Variants in SLC22A4 observed in about 807,000 individuals in gnomAD.
SLC22A4 encodes ET transporter.
In SLC22A4, 39 loss-of-function variants were observed where a neutral mutation model predicts 56.6. The ratio of observed to expected loss-of-function variants is 0.69; its 90% CI spans 0.53 to 0.90. The LOEUF is 0.90. Among genes scored for constraint, SLC22A4 ranks in the 40% least tolerant of loss-of-function variants. The probability of loss-of-function intolerance (pLI) is 0.00; values close to 1 mark genes in which losing one functional copy is unlikely to be tolerated. For synonymous variants in SLC22A4, 241 were observed against 281.4 expected, an observed-to-expected ratio of 0.86 and a Z score of 1.44; for missense variants, 594 against 696.5, an observed-to-expected ratio of 0.85 and a Z score of 1.66.
At chr5:132,340,918 C>A (rs1213880657) in intron 9 of SLC22A4, among the ~76,000 whole-genome samples, 1 of 151,290 alleles carries the variant, frequency 6.6e-6, no homozygotes, top group Admixed American at 6.6e-5. Context: ...GAATTTGAGA[C>A]CAGCCTGGCC....
At chr5:132,321,346 A>C (rs1465817058) in intron 3 of SLC22A4, among the ~76,000 whole-genome samples, 1 of 152,166 alleles carries the variant, frequency 6.6e-6, no homozygotes, top group African/African-American at 2.4e-5. Context: ...CTCAGGGCTC[A>C]GGCATGGGTA....
rs753290785 is a variant in SLC22A4, at chr5:132,328,903, GTATATA to G, written c.951+1523_951+1528del. 5.2e-4 allele frequency among the ~76,000 whole-genome samples: 50 copies of G among 96,456 alleles called. 1 individual carries two copies. In the East Asian group the frequency reaches 1.0e-2, roughly 19 times the overall value. The allele number at this position is 96,456 out of a possible 152,430, so 63.3% of individuals were successfully genotyped here. ...AATGTGTATATATATGTGTGTATGT[GTATATA>G]TATATATATATATATATATATACAC... On this transcript the variant is annotated intron_variant, in intron 5 of 9. Transcript: ENST00000200652.
chr5:132,299,322 C>T lies in SLC22A4; in HGVS notation c.393+4313C>T, dbSNP rs115339745. 4.6e-3 allele frequency among the ~76,000 whole-genome samples: 703 copies of T among 152,220 alleles called. 2 individuals are homozygous for T. Among genetic ancestry groups the T allele is most frequent in the Non-Finnish European group, 7.7e-3 (524 of 68,006 alleles). The stretch of plus-strand genomic sequence containing the variant: ...TGTGTACATGTGTATAAGGTAGTTT[C>T]CTTCTTCAGGGGTTGATTGTGAGGT... On this transcript the variant is annotated intron_variant, in intron 1 of 9. Transcript: ENST00000200652.
chr5:132,336,963 C>T (rs998700314), intron 8 of SLC22A4, among the ~76,000 whole-genome samples: 2 of 152,144 alleles, frequency 1.3e-5, no homozygotes, highest in African/African-American at 4.8e-5. Context: ...TACTTTTATA[C>T]TGAAACACAT....
chr5:132,324,699 T>C (rs1750640691), intron 4 of SLC22A4: 1 of 417,096 alleles, frequency 2.4e-6, no homozygotes, highest in African/African-American at 2.0e-5. Context: ...GGAGGGATGC[T>C]TAGAGCTGAC....
At chr5:132,306,807 C>T (rs1750051716) in intron 1 of SLC22A4, among the ~76,000 whole-genome samples, 1 of 151,944 alleles carries the variant, frequency 6.6e-6, no homozygotes, top group African/African-American at 2.4e-5. Flanking sequence ...TGCACAATGA[C>T]ATGGATGGAC....
intron 1 of SLC22A4, chr5:132,295,409 G>A (rs1413068547): frequency 7.1e-6 from 3 of 425,402 alleles, no homozygotes; most frequent in Non-Finnish European, 1.4e-5. Context: ...GCAGGGCGGG[G>A]CCAAATCTTG....
intron 1 of SLC22A4, among the ~76,000 whole-genome samples, chr5:132,304,043 G>C (rs140504023): frequency 7.6e-4 from 116 of 152,284 alleles, no homozygotes; most frequent in Middle Eastern, 3.4e-3. Context: ...CTCCATTAGA[G>C]CAACAAATGA....
chr5:132,335,445 C>T (rs1750992263), intron 7 of SLC22A4, among the ~76,000 whole-genome samples: 1 of 152,164 alleles, frequency 6.6e-6, no homozygotes, highest in Non-Finnish European at 1.5e-5. Context: ...AATAGAAATA[C>T]ATATTTCTTA....
chr5:132,343,689 A>G (rs1310949805), intron 9 of SLC22A4, 71 bp from the exon 10 acceptor site: 3 of 938,218 alleles, frequency 3.2e-6, no homozygotes, highest in South Asian at 2.8e-5. Context: ...TTCAATGTCA[A>G]TTTGGATGGA....
In SLC22A4 at chr5:132,338,389, C is replaced by A. The variant is rs1751090847; in HGVS notation, c.1445-2176C>A. Among the ~76,000 whole-genome samples, 5 of 152,138 alleles carry A rather than the reference C, an allele frequency of 3.3e-5. No individual in the cohort carries two copies. In the South Asian group the frequency reaches 1.0e-3, roughly 31 times the overall value. Reference sequence around the variant, plus strand: ...AGATCACAGGACCACAGGACCGGGGCAAAATTAAAATTGCTAATGAAGTTT... The same window carrying A: ...AGATCACAGGACCACAGGACCGGGGAAAAATTAAAATTGCTAATGAAGTTT... On this transcript the variant is annotated intron_variant, in intron 8 of 9. Transcript: ENST00000200652.
intron 8 of SLC22A4, among the ~76,000 whole-genome samples, chr5:132,337,419 T>C (rs1751058771): frequency 6.6e-6 from 1 of 151,468 alleles, no homozygotes; most frequent in South Asian, 2.1e-4. Flanking sequence ...ACTACAGGCA[T>C]GCACACCGTC....
At chr5:132,336,139 C>T (rs1751020722) in intron 8 of SLC22A4, 139 bp downstream of exon 8, 3 of 849,962 alleles carry the variant, frequency 3.5e-6, no homozygotes, top group Non-Finnish European at 5.7e-6. Context: ...CCAGGAGGAG[C>T]TCTAGAAAGC....
chr5:132,332,786 T>C (rs550285540), intron 6 of SLC22A4, among the ~76,000 whole-genome samples: 2 of 150,740 alleles, frequency 1.3e-5, no homozygotes, highest in Admixed American at 1.3e-4. Flanking sequence ...TCAGAACTGG[T>C]AGATTTAGGC....
chr5:132,343,863 GA>G lies in SLC22A4; in HGVS notation c.*33del. On this transcript the variant is annotated 3_prime_UTR_variant, in exon 10 of 10. Coordinates refer to ENST00000200652, the MANE Select transcript of SLC22A4 (RefSeq NM_003059.3). ...AAATATCTACCCCATTTGGTGAAGT[GA>G]AAAACAGAAAAATAAGACCCTGTGG... The G allele has an allele frequency of 7.1e-7, 1 of 1,403,390 alleles. No individual in the cohort carries two copies. The highest frequency in any genetic ancestry group is 1.0e-6 in the Non-Finnish European group (1 of 994,084). The allele number at this position is 1,403,390 out of a possible 1,614,324, so 86.9% of individuals were successfully genotyped here.
chr5:132,341,543 A>G (rs1037122105), intron 9 of SLC22A4, among the ~76,000 whole-genome samples: 3 of 152,246 alleles, frequency 2.0e-5, no homozygotes, highest in Non-Finnish European at 4.4e-5. Flanking sequence ...AGAAAATATA[A>G]AAATTCAGTA....
chr5:132,308,863 C>T (rs1750107964), intron 1 of SLC22A4, among the ~76,000 whole-genome samples: 1 of 152,198 alleles, frequency 6.6e-6, no homozygotes, highest in South Asian at 2.1e-4. Flanking sequence ...TGAAAGCACA[C>T]CCCCAAAGCA....
rs1357482407 is a variant in SLC22A4 at position 132,327,312 on chromosome 5, A to G, written c.860A>G (p.Gln287Arg). Residue 287 changes from glutamine (Q) to arginine (R), a missense_variant, in exon 5 of 10, where the codon CAG becomes CGG. Coordinates refer to ENST00000200652, the MANE Select transcript of SLC22A4 (RefSeq NM_003059.3). ...GAATCTCCCCGATGGCTGATATCCCAGAGAAGATTTAGAGAGGCTGAAGAT... is the reference window on the plus strand; with the variant it reads ...GAATCTCCCCGATGGCTGATATCCCGGAGAAGATTTAGAGAGGCTGAAGAT... ...IPESPRWLIS[Q>R]RRFREAEDII... 1 of 1,607,238 alleles carries G rather than the reference A, an allele frequency of 6.2e-7. No individual in the cohort carries two copies. The highest frequency in any genetic ancestry group is 1.1e-5 in the South Asian group (1 of 90,832).
intron 1 of SLC22A4, among the ~76,000 whole-genome samples, chr5:132,298,264 CATA>C (rs1165718218): frequency 6.6e-6 from 1 of 152,194 alleles, no homozygotes; most frequent in African/African-American, 2.4e-5. Flanking sequence ...AATGGATAAA[CATA>C]ATGTGGTATA....
Sources: allele counts gnomAD v4.1 joint callset (sites outside exome capture counted in the v4.1 genomes callset), GRCh38; gene constraint gnomAD v4.1.1; transcripts MANE v1.5; gene names NCBI Gene and HGNC (gene_info 2026-07-23, HGNC 2026-07-21).